MACROD2: variants seen among roughly 807,000 people sequenced by gnomAD.
The protein encoded by MACROD2 is ADP-ribose glycohydrolase MACROD2.
Under a neutral mutation model 70.4 loss-of-function variants are expected in MACROD2, and 36 were observed. The ratio of observed to expected loss-of-function variants is 0.51; its 90% CI spans 0.39 to 0.68. MACROD2 has a LOEUF of 0.68. Among genes scored for constraint, MACROD2 ranks in the 30% least tolerant of loss-of-function variants. The pLI is 0.00. For missense variants in MACROD2, 496 were observed against 538.4 expected (o/e 0.92, Z 0.78); for synonymous variants, 172 against 178.8 (o/e 0.96, Z 0.30).
At chr20:14,815,153 A>T (rs897321374) in intron 5 of MACROD2, among the ~76,000 whole-genome samples, 3 of 152,044 alleles carry the variant, frequency 2.0e-5, no homozygotes, top group African/African-American at 7.2e-5. Context: ...TTAATCTGTT[A>T]CCCAATAACA....
intron 5 of MACROD2, among the ~76,000 whole-genome samples, chr20:14,890,758 GAA>G (rs200756372): frequency 3.7e-5 from 5 of 135,944 alleles, no homozygotes; most frequent in Non-Finnish European, 6.3e-5. Flanking sequence ...TCCAAAAACA[GAA>G]AAAAAAAAAT....
At chr20:14,815,646 T>C (rs542343327) in intron 5 of MACROD2, among the ~76,000 whole-genome samples, 2 of 152,118 alleles carry the variant, frequency 1.3e-5, no homozygotes, top group Non-Finnish European at 2.9e-5. Flanking sequence ...ATTCTGTGAA[T>C]AAGTCTCTTT....
chr20:14,106,772 A>T (rs554432950), intron 3 of MACROD2, among the ~76,000 whole-genome samples: 1 of 152,162 alleles, frequency 6.6e-6, no homozygotes, highest in Non-Finnish European at 1.5e-5. Context: ...AGGGGAAAAT[A>T]ATAAGAGTCT....
chr20:14,599,255 C>T (rs1194723414), intron 4 of MACROD2, among the ~76,000 whole-genome samples: 1 of 152,114 alleles, frequency 6.6e-6, no homozygotes, highest in African/African-American at 2.4e-5. Flanking sequence ...GAGGGCACTT[C>T]TGTTGTGCCC....
intron 4 of MACROD2, among the ~76,000 whole-genome samples, chr20:14,666,179 A>G (rs1427048446): frequency 2.0e-5 from 3 of 152,140 alleles, no homozygotes; most frequent in Admixed American, 2.0e-4. Flanking sequence ...TGATGAAGCA[A>G]TGATATCCCC....
At chr20:15,017,532 A>G (rs2075131143) in intron 5 of MACROD2, among the ~76,000 whole-genome samples, 1 of 152,102 alleles carries the variant, frequency 6.6e-6, no homozygotes, top group Non-Finnish European at 1.5e-5. Context: ...TCCTCTTCTC[A>G]CAGCTCCACT....
intron 5 of MACROD2, among the ~76,000 whole-genome samples, chr20:15,176,294 AG>A (rs1253085043): frequency 1.3e-5 from 2 of 152,200 alleles, no homozygotes; most frequent in Non-Finnish European, 2.9e-5. Flanking sequence ...CTGGACAAAA[AG>A]GGGCAGGTCC....
rs4052956 is a variant in MACROD2, at chr20:14,389,421, C to CAAAA, written c.272-104041_272-104038dup. Among the ~76,000 whole-genome samples, 766 of 89,530 alleles carry CAAAA rather than the reference C, an allele frequency of 8.6e-3. 14 individuals carry two copies. The highest frequency in any genetic ancestry group is 0.01 in the Non-Finnish European group (497 of 48,800). The allele number at this position is 89,530 out of a possible 152,430, so 58.7% of individuals were successfully genotyped here. ...TGGGCGACAGGGCGAGACTTGGTCTCAAAAAAAAAAAAAAAAAAAAGACAT... is the reference window on the plus strand; with the variant it reads ...TGGGCGACAGGGCGAGACTTGGTCTCAAAAAAAAAAAAAAAAAAAAAAAAGACAT... On this transcript the variant is annotated intron_variant, in intron 3 of 17. Transcript: ENST00000684519.
chr20:14,281,328 A>T (rs1293064993), intron 3 of MACROD2, among the ~76,000 whole-genome samples: 1 of 152,232 alleles, frequency 6.6e-6, no homozygotes, highest in Admixed American at 6.5e-5. Context: ...AAAAGGTAAC[A>T]TATTGTATCA....
In MACROD2 at chr20:15,933,290, G is replaced by T; in HGVS notation, c.790G>T (p.Glu264Ter). The T allele has an allele frequency of 6.2e-7, 1 of 1,613,330 alleles. No individual in the cohort carries two copies. Among genetic ancestry groups the T allele is most frequent in the Non-Finnish European group, 8.5e-7 (1 of 1,179,534 alleles). ...MKEDSDENGP[E>*]EKQSVEEMEE... ...TTTCTTGAAAGATGAGAACGGTCCAGAGGAGAAGCAAAGTGTGGAAGAAAT... is the reference window on the plus strand; with the variant it reads ...TTTCTTGAAAGATGAGAACGGTCCATAGGAGAAGCAAAGTGTGGAAGAAAT... The change falls in exon 11 of 18, where the codon GAG (glutamate) becomes TAG (stop). Residue 264 changes from glutamate (E) to a stop codon, truncating the protein, a stop_gained. Coordinates refer to ENST00000684519, the MANE Select transcript of MACROD2 (RefSeq NM_001351661.2). LOFTEE classifies it high-confidence loss of function.
chr20:15,156,517 A>G (rs2076307878), intron 5 of MACROD2, among the ~76,000 whole-genome samples: 2 of 152,100 alleles, frequency 1.3e-5, no homozygotes, highest in Admixed American at 6.6e-5. Flanking sequence ...ACTCACCCCA[A>G]TTTAAGACAC....
chr20:15,675,356 T>G (rs1182024120), intron 8 of MACROD2, among the ~76,000 whole-genome samples: 1 of 152,180 alleles, frequency 6.6e-6, no homozygotes, highest in East Asian at 1.9e-4. Flanking sequence ...TCACCCTCCC[T>G]ACATTGCTGA....
chr20:15,978,281 T>C (rs6131753), intron 13 of MACROD2, among the ~76,000 whole-genome samples: 32,080 of 152,086 alleles, frequency 0.21, 4,162 homozygotes, highest in Middle Eastern at 0.3. Context: ...ACTCCGAATA[T>C]TCTGCAGCTG....
intron 8 of MACROD2, among the ~76,000 whole-genome samples, chr20:15,684,683 G>T (rs1249132782): frequency 6.6e-6 from 1 of 152,166 alleles, no homozygotes; most frequent in Non-Finnish European, 1.5e-5. Flanking sequence ...AGAATCCATG[G>T]GTTGTTAAGT....
chr20:14,835,229 T>C (rs407619), intron 5 of MACROD2, among the ~76,000 whole-genome samples: 53,207 of 151,652 alleles, frequency 0.35, 9,684 homozygotes, highest in African/African-American at 0.42. Flanking sequence ...TCAACCTCCC[T>C]GGACAGGTTC....
At chr20:15,042,873 CTACTT>C (rs2075366272) in intron 5 of MACROD2, among the ~76,000 whole-genome samples, 1 of 152,166 alleles carries the variant, frequency 6.6e-6, no homozygotes, top group Non-Finnish European at 1.5e-5. Flanking sequence ...TGAGTAGTGA[CTACTT>C]TATTTTTCTA....
intron 3 of MACROD2, among the ~76,000 whole-genome samples, chr20:14,341,234 A>C (rs7261481): frequency 0.19 from 29,410 of 152,278 alleles, 3,088 homozygotes; most frequent in South Asian, 0.35. Flanking sequence ...TGAAGTTCTG[A>C]GATTTAATCT....
At position 14,712,595 on chromosome 20, in the gene MACROD2, A is replaced by G. The variant is rs537690747; in HGVS notation, c.418+27636A>G. Among the ~76,000 whole-genome samples the G allele has an allele frequency of 7.7e-4, 117 of 152,208 alleles. 1 individual carries two copies. The highest frequency in any genetic ancestry group is 1.5e-3 in the Non-Finnish European group (104 of 68,048). On this transcript the variant is annotated intron_variant, in intron 5 of 17. Coordinates refer to ENST00000684519, the MANE Select transcript of MACROD2 (RefSeq NM_001351661.2). Reference sequence around the variant, plus strand: ...TATTTTACCACATCTCAAGTATACAAAGTCTACATATAAACATTACGTAAT... The same window carrying G: ...TATTTTACCACATCTCAAGTATACAGAGTCTACATATAAACATTACGTAAT...
chr20:15,333,750 A>G (rs1340154602), intron 6 of MACROD2, among the ~76,000 whole-genome samples: 2 of 151,560 alleles, frequency 1.3e-5, no homozygotes, highest in East Asian at 3.8e-4. Context: ...GTATGACACG[A>G]TGTTCAATAT....
Sources: allele counts gnomAD v4.1 joint callset (sites outside exome capture counted in the v4.1 genomes callset), GRCh38; gene constraint gnomAD v4.1.1; transcripts MANE v1.5; gene names NCBI Gene and HGNC (gene_info 2026-07-23, HGNC 2026-07-21).